NRG1: variants seen among roughly 807,000 people sequenced by gnomAD.
NRG1 encodes pro-neuregulin-1, membrane-bound isoform.
In NRG1, 18 loss-of-function variants were observed where a neutral mutation model predicts 63.8. The ratio of observed to expected loss-of-function variants is 0.28; its 90% CI spans 0.19 to 0.42. NRG1 has a LOEUF of 0.42. Ranked by LOEUF, NRG1 falls within the 10% of genes least tolerant of loss-of-function variation. The probability of loss-of-function intolerance (pLI) is 1.00; values close to 1 mark genes in which losing one functional copy is unlikely to be tolerated. For synonymous variants in NRG1, 302 were observed against 301.3 expected, an observed-to-expected ratio of 1.00 and a Z score of -0.02; for missense variants, 762 against 814.7, an observed-to-expected ratio of 0.94 and a Z score of 0.79.
At chr8:31,795,696 A>C (rs541410998) in intron 1 of NRG1, among the ~76,000 whole-genome samples, 1 of 152,156 alleles carries the variant, frequency 6.6e-6, no homozygotes, top group African/African-American at 2.4e-5. Flanking sequence ...GATATTACAC[A>C]TTCATCCATT....
intron 1 of NRG1, among the ~76,000 whole-genome samples, chr8:31,810,469 C>A (rs891547734): frequency 2.0e-5 from 3 of 152,112 alleles, no homozygotes; most frequent in African/African-American, 7.2e-5. Flanking sequence ...TAATGTCTAT[C>A]ATTGTTCACT....
chr8:31,894,742 G>C (rs1421769557), intron 1 of NRG1, among the ~76,000 whole-genome samples: 2 of 151,910 alleles, frequency 1.3e-5, no homozygotes, highest in Admixed American at 1.3e-4. Flanking sequence ...AGTAGAGACG[G>C]AGTTTCACTG....
intron 1 of NRG1, among the ~76,000 whole-genome samples, chr8:31,665,989 A>G (rs1041619917): frequency 5.9e-5 from 9 of 152,180 alleles, no homozygotes; most frequent in Admixed American, 6.5e-5. Flanking sequence ...GTTGTTCACG[A>G]CTGAAATACA....
At chr8:31,691,773 T>C (rs1455133190) in intron 1 of NRG1, among the ~76,000 whole-genome samples, 1 of 152,130 alleles carries the variant, frequency 6.6e-6, no homozygotes, top group Non-Finnish European at 1.5e-5. Flanking sequence ...AAAAAGTATG[T>C]AAAAAAATCC....
chr8:32,378,317 T>TA (rs1425435039), intron 1 of NRG1, among the ~76,000 whole-genome samples: 1 of 152,156 alleles, frequency 6.6e-6, no homozygotes, highest in African/African-American at 2.4e-5. Context: ...CTTTTACTCA[T>TA]AAAGCCAGCT....
intron 1 of NRG1, among the ~76,000 whole-genome samples, chr8:32,415,446 A>G (rs1815753583): frequency 6.6e-6 from 1 of 150,786 alleles, no homozygotes; most frequent in Admixed American, 6.6e-5. Flanking sequence ...TGCGGCAATC[A>G]CAATACATTT....
intron 1 of NRG1, among the ~76,000 whole-genome samples, chr8:32,370,340 T>TCC (rs1256760640): frequency 6.6e-6 from 1 of 152,148 alleles, no homozygotes; most frequent in African/African-American, 2.4e-5. Context: ...AGATAATGTG[T>TCC]CCAAGTAATA....
At chr8:32,046,593 ACTT>A (rs1205325195) in intron 1 of NRG1, among the ~76,000 whole-genome samples, 2 of 152,228 alleles carry the variant, frequency 1.3e-5, no homozygotes, top group Non-Finnish European at 2.9e-5. Context: ...GTATCTGACT[ACTT>A]CTTGTCAATT....
At chr8:31,949,337 A>G (rs1400361486) in intron 1 of NRG1, among the ~76,000 whole-genome samples, 1 of 152,078 alleles carries the variant, frequency 6.6e-6, no homozygotes, top group African/African-American at 2.4e-5. Flanking sequence ...CTCTCAGCTA[A>G]TCTTCTAGGA....
intron 1 of NRG1, among the ~76,000 whole-genome samples, chr8:31,862,395 A>G (rs1431576188): frequency 1.3e-5 from 2 of 152,204 alleles, no homozygotes; most frequent in Non-Finnish European, 2.9e-5. Flanking sequence ...AAAATAGTCA[A>G]TCTGATAGAC....
At chr8:32,771,674 T>C (rs543979894), downstream of NRG1, among the ~76,000 whole-genome samples, 24 of 141,646 alleles carry the variant, frequency 1.7e-4, no homozygotes, top group South Asian at 4.7e-3. Flanking sequence ...TCTTAGTTTC[T>C]ACACAGGATG....
At chr8:32,080,773 G>A (rs1429727511) in intron 1 of NRG1, among the ~76,000 whole-genome samples, 4 of 16,856 alleles carry the variant, frequency 2.4e-4, no homozygotes, top group Non-Finnish European at 7.0e-4. Flanking sequence ...GCGTGTGTGT[G>A]TGTGTGTGTG....
chr8:32,331,738 G>A (rs1244052401), intron 1 of NRG1, among the ~76,000 whole-genome samples: 3 of 152,142 alleles, frequency 2.0e-5, no homozygotes, highest in African/African-American at 7.2e-5. Flanking sequence ...TTAGGACAGT[G>A]GCGTGTGATT....
At chr8:32,434,655 T>G (rs1587634946) in intron 1 of NRG1, among the ~76,000 whole-genome samples, 1 of 152,188 alleles carries the variant, frequency 6.6e-6, no homozygotes, top group South Asian at 2.1e-4. Flanking sequence ...ACTCTGTGCT[T>G]CCCAAAGTAA....
At chr8:31,794,452 A>G (rs1821005904) in intron 1 of NRG1, among the ~76,000 whole-genome samples, 1 of 151,242 alleles carries the variant, frequency 6.6e-6, no homozygotes, top group Non-Finnish European at 1.5e-5. Context: ...GGAATTTGTA[A>G]TCTAGTATGA....
At chr8:32,663,373 A>G (rs1402305235) in intron 5 of NRG1, among the ~76,000 whole-genome samples, 1 of 152,128 alleles carries the variant, frequency 6.6e-6, no homozygotes, top group African/African-American at 2.4e-5. Context: ...CTCTGCTGAC[A>G]TGCATGTATT....
At chr8:32,563,193 T>A (rs1026707195) in intron 1 of NRG1, among the ~76,000 whole-genome samples, 3 of 152,214 alleles carry the variant, frequency 2.0e-5, no homozygotes, top group Non-Finnish European at 4.4e-5. Context: ...CCAAGATAAT[T>A]CTTCTTCCAA....
chr8:32,449,621 T>C (rs778463052), intron 1 of NRG1, among the ~76,000 whole-genome samples: 3 of 152,134 alleles, frequency 2.0e-5, no homozygotes, highest in Non-Finnish European at 4.4e-5. Context: ...CTAGGCACCA[T>C]CAAAGATGAA....
chr8:32,499,985 T>C (rs897772391), intron 1 of NRG1, among the ~76,000 whole-genome samples: 5 of 152,164 alleles, frequency 3.3e-5, no homozygotes, highest in Non-Finnish European at 7.3e-5. Flanking sequence ...GGGGGAAATA[T>C]CTCAATGATA....
Sources: gnomAD v4.1 joint callset for allele counts (sites outside exome capture counted in the v4.1 genomes callset) on GRCh38, gnomAD v4.1.1 for gene constraint, MANE v1.5 for transcripts, NCBI Gene and HGNC (gene_info 2026-07-23, HGNC 2026-07-21) for gene names.